KIAA0408: variants seen among roughly 807,000 people sequenced by gnomAD.
KIAA0408 encodes uncharacterized protein KIAA0408.
KIAA0408 carries 51 observed loss-of-function variants against 60.9 expected under a neutral mutation model. That is an observed-to-expected ratio of 0.84 (90% CI 0.67 to 1.06). KIAA0408 has a LOEUF of 1.06. KIAA0408 is among the 50% of genes least tolerant of loss of function. The pLI is 0.00. For missense variants in KIAA0408, 787 were observed against 833.9 expected, an observed-to-expected ratio of 0.94 and a Z score of 0.69; for synonymous variants, 304 against 282.4, an observed-to-expected ratio of 1.08 and a Z score of -0.77.
In KIAA0408 at chr6:127,446,797, C is replaced by T; in HGVS notation, c.1522G>A (p.Val508Met). ...GATTTCTTGGTGGGATTATCAGGCA[C>T]ATTTTCCATGGGCACAGGCATGTGG... Reference protein sequence around the residue: ...NAHMPVPMENVPDNPTKKSTT... With the variant: ...NAHMPVPMENMPDNPTKKSTT... The change falls in exon 5 of 6, where the codon GTG becomes ATG. Residue 508 changes from valine to methionine, a missense_variant. Physicochemically the swap from Val to Met is conservative, Grantham distance 21. Transcript: ENST00000483725. 6.2e-7 allele frequency: 1 copy of T among 1,614,010 alleles called. No individual in the cohort carries two copies. The highest frequency in any genetic ancestry group is 8.5e-7 in the Non-Finnish European group (1 of 1,179,990).
chr6:127,454,124 G>C (rs1773350135), intron 1 of KIAA0408, 23 bp from the exon 2 acceptor site: 3 of 1,343,420 alleles, frequency 2.2e-6, no homozygotes, highest in South Asian at 4.9e-5. Context: ...TAACAAGAGA[G>C]AGTTCCAAAT....
rs753330516 is a variant in KIAA0408 at position 127,450,066 on chromosome 6, T to C, written c.422A>G (p.Gln141Arg). The change falls in exon 3 of 6, where the codon CAA becomes CGA. Residue 141 changes from glutamine to arginine, a missense_variant. By Grantham distance (43) the Gln-to-Arg change is conservative (BLOSUM62 1). Around this residue, in one of 3 missense-constraint regions of KIAA0408, gnomAD observed 640 missense variants for 681.3 expected, o/e 0.94. Coordinates refer to ENST00000483725, the MANE Select transcript of KIAA0408 (RefSeq NM_014702.5). ...GFLDPLATDN[Q>R]KECEAWPDLR... is the part of the protein sequence containing the mutation. ...GTCAGGCCAGGCCTCACATTCCTTT[T>C]GGTTGTCTGTAGCCAAAGGATCCAA... is the stretch of plus-strand genomic sequence containing the variant. The C allele has an allele frequency of 5.0e-6, 8 of 1,614,158 alleles. No homozygotes were observed. The highest frequency in any genetic ancestry group is 1.1e-5 in the South Asian group (1 of 91,088).
chr6:127,446,660 TGACCTCG>T lies in KIAA0408; in HGVS notation c.1652_1658del (p.Pro551GlnfsTer15). On this transcript the variant is annotated frameshift_variant, in exon 5 of 6. Transcript: ENST00000483725. LOFTEE classifies it high-confidence loss of function. ...CACCATAATTTGACCTGGGATCAGCTGACCTCGGACGGCCAGACAAATTACTCGGTCT... is the reference window on the plus strand; with the variant it reads ...CACCATAATTTGACCTGGGATCAGCTGACGGCCAGACAAATTACTCGGTCT... The T allele has an allele frequency of 7.4e-6, 12 of 1,614,080 alleles. No individual in the cohort carries two copies. Among genetic ancestry groups the T allele is most frequent in the Non-Finnish European group, 9.3e-6 (11 of 1,180,012 alleles).
Position 127,440,443 on chromosome 6 carries a change from G to C in KIAA0408, c.*3666C>G, listed in dbSNP as rs6934679. 0.54 allele frequency: 81,625 copies of C among 150,936 alleles called. 22,889 individuals carry two copies. The highest frequency in any genetic ancestry group is 0.59 in the Middle Eastern group (170 of 290). The allele number at this position is 150,936 out of a possible 1,614,324, so 9.3% of individuals were successfully genotyped here. On this transcript the variant is annotated 3_prime_UTR_variant, in exon 6 of 6. Coordinates refer to ENST00000483725, the MANE Select transcript of KIAA0408 (RefSeq NM_014702.5). ...GGGTTCATGCCATTCTCCTGCCTCAGCCTCCCGAGCAGCTGGGACTACAGG... is the reference window on the plus strand; with the variant it reads ...GGGTTCATGCCATTCTCCTGCCTCACCCTCCCGAGCAGCTGGGACTACAGG...
intron 4 of KIAA0408, among the ~76,000 whole-genome samples, chr6:127,448,282 A>G (rs1773239447): frequency 6.6e-6 from 1 of 152,188 alleles, no homozygotes; most frequent in Non-Finnish European, 1.5e-5. Flanking sequence ...TTTTTGGATG[A>G]CTTGAGTAAA....
intron 1 of KIAA0408, among the ~76,000 whole-genome samples, chr6:127,456,432 T>A (rs1248558788): frequency 6.6e-6 from 1 of 152,152 alleles, no homozygotes; most frequent in Non-Finnish European, 1.5e-5. Context: ...CATTCAGGAA[T>A]ACCCTAGATC....
chr6:127,448,671 G>A (rs555158699), intron 4 of KIAA0408, among the ~76,000 whole-genome samples: 2 of 152,272 alleles, frequency 1.3e-5, no homozygotes, highest in African/African-American at 4.8e-5. Flanking sequence ...ACAATAAAAT[G>A]TGGATAAATA....
intron 1 of KIAA0408, 26 bp downstream of exon 1, chr6:127,459,149 T>A (rs1385255624): frequency 6.6e-6 from 1 of 152,234 alleles, no homozygotes; most frequent in Non-Finnish European, 1.5e-5. Flanking sequence ...GTCACTTGCT[T>A]GTAAACTTGC....
chr6:127,457,247 C>T (rs947882080), intron 1 of KIAA0408, among the ~76,000 whole-genome samples: 1 of 152,214 alleles, frequency 6.6e-6, no homozygotes, highest in African/African-American at 2.4e-5. Flanking sequence ...ACTGAAGGGG[C>T]AACTTTGTAG....
At chr6:127,455,738 G>A (rs1042768365) in intron 1 of KIAA0408, among the ~76,000 whole-genome samples, 2 of 151,944 alleles carry the variant, frequency 1.3e-5, no homozygotes, top group African/African-American at 4.8e-5. Flanking sequence ...GCTATTAAAG[G>A]TGCTATCATA....
rs768029857 is a variant in KIAA0408, at chr6:127,447,656, G to A, written c.663C>T (p.Cys221=). The change falls in exon 5 of 6, where the codon TGC becomes TGT. Residue 221 remains cysteine (C), a synonymous_variant. Coordinates refer to ENST00000483725, the MANE Select transcript of KIAA0408 (RefSeq NM_014702.5). ...CTTTTTCTAAACTGATTGGAAGAAT[G>A]CACTGGTCATTGTTGATCATGGGGT... ...HGDPMINNDQ[C]ILPISLEKEK... 1.9e-6 allele frequency: 3 copies of A among 1,610,244 alleles called. No individual in the cohort carries two copies. The African/African-American group carries it at 4.0e-5, about 22-fold the overall frequency.
chr6:127,445,068 A>T (rs1029872556), intron 5 of KIAA0408, among the ~76,000 whole-genome samples: 2 of 152,190 alleles, frequency 1.3e-5, no homozygotes, highest in African/African-American at 4.8e-5. Flanking sequence ...GTGCTCTTTC[A>T]TCTGAGCTAG....
chr6:127,442,073 T>C lies in KIAA0408; in HGVS notation c.*2036A>G, dbSNP rs1372442444. The C allele has an allele frequency of 6.6e-6, 1 of 152,242 alleles. No individual in the cohort carries two copies. Among genetic ancestry groups the C allele is most frequent in the Non-Finnish European group, 1.5e-5 (1 of 68,042 alleles). 9.4% of individuals were successfully genotyped at this position (152,242 alleles called of 1,614,324 possible). ...CAAGCAATGTCACTGTTTTCAAATCTGCCTGATCATCAATATTTTGCTTTG... is the reference window on the plus strand; with the variant it reads ...CAAGCAATGTCACTGTTTTCAAATCCGCCTGATCATCAATATTTTGCTTTG... On this transcript the variant is annotated 3_prime_UTR_variant, in exon 6 of 6. Transcript: ENST00000483725.
Position 127,456,501 on chromosome 6 carries a change from C to T in KIAA0408, c.-120-2400G>A, listed in dbSNP as rs74933276. The stretch of plus-strand genomic sequence containing the variant: ...CCCAGGTAACAGTCCTGAAGCAGAC[C>T]GAATCCTGCACCTATTTGCAAAGAG... On this transcript the variant is annotated intron_variant, in intron 1 of 5. Transcript: ENST00000483725. 5.2e-3 allele frequency among the ~76,000 whole-genome samples: 792 copies of T among 152,138 alleles called. 6 individuals are homozygous for T. The highest frequency in any genetic ancestry group is 0.018 in the African/African-American group (744 of 41,490).
intron 2 of KIAA0408, among the ~76,000 whole-genome samples, chr6:127,452,703 G>A (rs769469951): frequency 6.6e-6 from 1 of 152,094 alleles, no homozygotes; most frequent in Non-Finnish European, 1.5e-5. Flanking sequence ...GGAAGGCAAT[G>A]ACCTAGGACT....
intron 4 of KIAA0408, among the ~76,000 whole-genome samples, chr6:127,447,942 C>T (rs550487542): frequency 3.9e-5 from 6 of 152,188 alleles, no homozygotes; most frequent in Non-Finnish European, 8.8e-5. Context: ...GTGTTATATT[C>T]AATGCTCTAC....
At chr6:127,456,793 G>C (rs947205999) in intron 1 of KIAA0408, among the ~76,000 whole-genome samples, 6 of 142,660 alleles carry the variant, frequency 4.2e-5, no homozygotes, top group East Asian at 4.2e-4. Flanking sequence ...GTGGGGGGGG[G>C]GCATAGAATT....
intron 3 of KIAA0408, 44 bp downstream of exon 3, chr6:127,449,946 A>G (rs1186647370): frequency 2.4e-5 from 38 of 1,613,766 alleles, no homozygotes; most frequent in Non-Finnish European, 3.2e-5. Context: ...TGAAATGTAA[A>G]TATTTCTTTA....
At chr6:127,456,836 T>G (rs1056994236) in intron 1 of KIAA0408, among the ~76,000 whole-genome samples, 2 of 151,470 alleles carry the variant, frequency 1.3e-5, no homozygotes, top group Admixed American at 1.3e-4. Context: ...AAGGGAAAAA[T>G]GCTTAAAAGA....
Sources: gnomAD v4.1 joint callset for allele counts (sites outside exome capture counted in the v4.1 genomes callset) on GRCh38, gnomAD v4.1.1 for gene constraint, gnomAD v4.1.1 regional missense constraint, MANE v1.5 for transcripts, NCBI Gene and HGNC (gene_info 2026-07-23, HGNC 2026-07-21) for gene names.